The following PTPN14 variants were observed in gnomAD, a reference collection of about 807,000 sequenced individuals.
PTPN14 encodes tyrosine-protein phosphatase non-receptor type 14.
PTPN14 carries 53 observed loss-of-function variants against 126.8 expected under a neutral mutation model. The observed-to-expected ratio is 0.42, with a 90% confidence interval of 0.34 to 0.53. The LOEUF is 0.53. Among genes scored for constraint, PTPN14 ranks in the 20% least tolerant of loss-of-function variants. PTPN14 has a pLI of 0.08. For missense variants in PTPN14, 1,257 were observed against 1,552.9 expected, an observed-to-expected ratio of 0.81 and a Z score of 3.20; for synonymous variants, 630 against 599.3, an observed-to-expected ratio of 1.05 and a Z score of -0.75.
At chr1:214,461,191 G>A (rs1660502817) in intron 2 of PTPN14, among the ~76,000 whole-genome samples, 1 of 152,066 alleles carries the variant, frequency 6.6e-6, no homozygotes, top group South Asian at 2.1e-4. Flanking sequence ...AACAATTAAT[G>A]TAAATAAAAA....
intron 3 of PTPN14, among the ~76,000 whole-genome samples, chr1:214,439,871 T>C (rs994700260): frequency 5.3e-5 from 8 of 152,252 alleles, no homozygotes; most frequent in Middle Eastern, 6.8e-3. Context: ...TAAAACCCAT[T>C]TTAGTTCCAC....
chr1:214,520,065 A>AAAAAAAAAAAAAAAAAAATATATAT, intron 1 of PTPN14, among the ~76,000 whole-genome samples: 7 of 71,110 alleles, frequency 9.8e-5, no homozygotes, highest in Admixed American at 1.6e-4. Flanking sequence ...AAAAAAAAAA[A>AAAAAAAAAAAAAAAAAAATATATAT]ATATATATAT....
intron 1 of PTPN14, among the ~76,000 whole-genome samples, chr1:214,535,183 T>C (rs1453882291): frequency 1.3e-5 from 2 of 152,224 alleles, no homozygotes; most frequent in Non-Finnish European, 2.9e-5. Flanking sequence ...TATCTGTTTA[T>C]ACTTCATCTG....
At chr1:214,369,383 A>T in intron 17 of PTPN14, 74 bp downstream of exon 17, 1 of 1,412,124 alleles carries the variant, frequency 7.1e-7, no homozygotes, top group African/African-American at 1.4e-5. Context: ...TTTCCATTTC[A>T]TCTCCAACAG....
At chr1:214,407,690 CA>C (rs1333986661) in intron 5 of PTPN14, among the ~76,000 whole-genome samples, 2 of 152,160 alleles carry the variant, frequency 1.3e-5, no homozygotes, top group African/African-American at 2.4e-5. Flanking sequence ...TACTTTCTCC[CA>C]TATGCCATCA....
At chr1:214,430,235 G>A (rs1659768996) in intron 3 of PTPN14, among the ~76,000 whole-genome samples, 1 of 152,122 alleles carries the variant, frequency 6.6e-6, no homozygotes, top group Non-Finnish European at 1.5e-5. Context: ...CCTTGATACT[G>A]ATGGGAGCTA....
At chr1:214,484,702 C>A (rs969809875) in intron 1 of PTPN14, among the ~76,000 whole-genome samples, 3 of 152,008 alleles carry the variant, frequency 2.0e-5, no homozygotes, top group Non-Finnish European at 4.4e-5. Flanking sequence ...TTTTGTTTTG[C>A]GAGGGAAATG....
In PTPN14 at chr1:214,464,598, C is replaced by G. The variant is rs202087037; in HGVS notation, c.174+32G>C. ...TTCACATACCCAACACGCATGCACG[C>G]GCACATGCGCACACAGACACACCCC... On this transcript the variant is annotated intron_variant, in intron 2 of 18. Transcript: ENST00000366956. The G allele has an allele frequency of 6.2e-6, 10 of 1,605,310 alleles. No individual in the cohort carries two copies. The South Asian group carries it at 9.9e-5, about 16-fold the overall frequency.
intron 1 of PTPN14, among the ~76,000 whole-genome samples, chr1:214,533,844 A>C (rs1219316679): frequency 1.6e-5 from 2 of 122,952 alleles, no homozygotes; most frequent in Non-Finnish European, 3.2e-5. Context: ...CTCAAAAAAC[A>C]AAAAAAAAAA....
At chr1:214,538,947 C>T (rs750640535) in intron 1 of PTPN14, among the ~76,000 whole-genome samples, 1 of 152,124 alleles carries the variant, frequency 6.6e-6, no homozygotes, top group African/African-American at 2.4e-5. Context: ...AAACTAAATG[C>T]CTACTGCTCT....
chr1:214,508,454 C>T (rs1034775811), intron 1 of PTPN14, among the ~76,000 whole-genome samples: 2 of 152,166 alleles, frequency 1.3e-5, no homozygotes, highest in Non-Finnish European at 2.9e-5. Context: ...TATCATGAGA[C>T]CGCAGCAATT....
At chr1:214,493,246 C>T (rs1161276230) in intron 1 of PTPN14, among the ~76,000 whole-genome samples, 1 of 151,986 alleles carries the variant, frequency 6.6e-6, no homozygotes, top group East Asian at 1.9e-4. Context: ...ATGGCCTGGG[C>T]GATGTGTTGG....
chr1:214,397,380 C>T (rs1658905026), intron 8 of PTPN14, among the ~76,000 whole-genome samples: 1 of 152,188 alleles, frequency 6.6e-6, no homozygotes, highest in Non-Finnish European at 1.5e-5. Flanking sequence ...AGCAAGCATA[C>T]TGACATGAAA....
intron 3 of PTPN14, among the ~76,000 whole-genome samples, chr1:214,444,858 G>A (rs113376773): frequency 1.3e-5 from 2 of 152,106 alleles, no homozygotes; most frequent in African/African-American, 4.8e-5. Flanking sequence ...TGGAAAAAGG[G>A]GACCCCCATC....
chr1:214,392,990 C>A (rs1432799673), intron 10 of PTPN14, among the ~76,000 whole-genome samples: 1 of 152,134 alleles, frequency 6.6e-6, no homozygotes, highest in Non-Finnish European at 1.5e-5. Context: ...ATTGGGCGCC[C>A]AAACCGCTGA....
intron 3 of PTPN14, among the ~76,000 whole-genome samples, chr1:214,434,465 GAT>G (rs1408486403): frequency 2.0e-5 from 3 of 150,720 alleles, no homozygotes; most frequent in Non-Finnish European, 3.0e-5. Context: ...AGAAGGAACA[GAT>G]AAAAACTGAT....
At chr1:214,432,288 G>T (rs991770185) in intron 3 of PTPN14, among the ~76,000 whole-genome samples, 6 of 151,820 alleles carry the variant, frequency 4.0e-5, no homozygotes, top group Non-Finnish European at 1.5e-5. Flanking sequence ...AACATAAAAG[G>T]TACTTAACAT....
chr1:214,431,695 G>A (rs1304166470), intron 3 of PTPN14, among the ~76,000 whole-genome samples: 1 of 152,152 alleles, frequency 6.6e-6, no homozygotes, highest in Non-Finnish European at 1.5e-5. Flanking sequence ...TCACAGCTCT[G>A]TCATGTACTC....
chr1:214,373,746 A>G (rs1243638893), intron 15 of PTPN14, among the ~76,000 whole-genome samples: 1 of 152,052 alleles, frequency 6.6e-6, no homozygotes, highest in African/African-American at 2.4e-5. Context: ...TTGGAGCACT[A>G]TCTTTCTCCT....
Sources: allele counts gnomAD v4.1 joint callset (sites outside exome capture counted in the v4.1 genomes callset), GRCh38; gene constraint gnomAD v4.1.1; transcripts MANE v1.5; gene names NCBI Gene and HGNC (gene_info 2026-07-23, HGNC 2026-07-21).